LDLRAD3: variants seen among roughly 807,000 people sequenced by gnomAD.
LDLRAD3 encodes the protein low-density lipoprotein receptor class A domain-containing protein 3.
Under a neutral mutation model 29.4 loss-of-function variants are expected in LDLRAD3, and 20 were observed. That is an observed-to-expected ratio of 0.68 (90% CI 0.48 to 0.99). LDLRAD3 has a LOEUF of 0.99. LDLRAD3 is among the 50% of genes least tolerant of loss of function. The pLI, the probability that LDLRAD3 is intolerant of heterozygous loss-of-function variation, is 0.00. For missense variants in LDLRAD3, 420 were observed against 454.3 expected (o/e 0.92, Z 0.69); for synonymous variants, 157 against 192.7 (o/e 0.81, Z 1.53).
At position 36,077,149 on chromosome 11, in the gene LDLRAD3, C is replaced by T. The variant is rs1032040261; in HGVS notation, c.194-4504C>T. Among the ~76,000 whole-genome samples, 12 of 152,176 alleles carry T rather than the reference C, an allele frequency of 7.9e-5. 1 individual carries two copies. The East Asian group carries it at 1.9e-3, about 24-fold the overall frequency. The stretch of plus-strand genomic sequence containing the variant: ...TACTCGGAGAAATGTGTAACCTTCT[C>T]ATCCTGTTATCTTGTCTGATATCAG... On this transcript the variant is annotated intron_variant, in intron 2 of 5. Coordinates refer to ENST00000315571, the MANE Select transcript of LDLRAD3 (RefSeq NM_174902.4).
In LDLRAD3 at chr11:36,229,412, A is replaced by G; in HGVS notation, c.*15A>G. On this transcript the variant is annotated 3_prime_UTR_variant, in exon 6 of 6. Coordinates refer to ENST00000315571, the MANE Select transcript of LDLRAD3 (RefSeq NM_174902.4). ...AAGAAGTATAAGTCCCAGTTATTCC[A>G]AAGTCCATATGGGTTAATCTGCTCT... The G allele has an allele frequency of 1.3e-6, 2 of 1,564,484 alleles. No individual in the cohort carries two copies. The highest frequency in any genetic ancestry group is 1.8e-6 in the Non-Finnish European group (2 of 1,137,010).
At chr11:36,205,044 A>C (rs1383701959) in intron 4 of LDLRAD3, among the ~76,000 whole-genome samples, 1 of 152,156 alleles carries the variant, frequency 6.6e-6, no homozygotes, top group Non-Finnish European at 1.5e-5. Flanking sequence ...CTTCATTTAT[A>C]AGTGACTTGA....
intron 1 of LDLRAD3, among the ~76,000 whole-genome samples, chr11:36,006,511 C>T (rs1851887575): frequency 6.6e-6 from 1 of 152,186 alleles, no homozygotes; most frequent in African/African-American, 2.4e-5. Context: ...CTCCCCGAAT[C>T]CCAGACTGGG....
At chr11:36,145,106 T>TG (rs1247368795) in intron 4 of LDLRAD3, among the ~76,000 whole-genome samples, 2 of 80,872 alleles carry the variant, frequency 2.5e-5, no homozygotes, top group African/African-American at 5.6e-5. Context: ...GGGAGGGAGG[T>TG]TGGGGGGTCA....
chr11:36,012,568 T>TGA (rs1349252749), intron 1 of LDLRAD3, among the ~76,000 whole-genome samples: 8 of 152,196 alleles, frequency 5.3e-5, no homozygotes, highest in African/African-American at 1.9e-4. Context: ...AGGCAGTTGA[T>TGA]CTGATAACTG....
rs527925777 is a variant in LDLRAD3, at chr11:36,085,126, A to G, written c.319+3348A>G. Among the ~76,000 whole-genome samples the G allele has an allele frequency of 5.3e-5, 8 of 152,294 alleles. No homozygotes were observed. The East Asian group carries it at 9.6e-4, about 18-fold the overall frequency. On this transcript the variant is annotated intron_variant, in intron 3 of 5. Coordinates refer to ENST00000315571, the MANE Select transcript of LDLRAD3 (RefSeq NM_174902.4). ...TAGCAATTCTTCTGAAGTTGGCAAC[A>G]AATTATGTTAGCTTGCCTTCATCTG...
chr11:35,952,494 A>G (rs1235051915), intron 1 of LDLRAD3, among the ~76,000 whole-genome samples: 1 of 152,212 alleles, frequency 6.6e-6, no homozygotes, highest in African/African-American at 2.4e-5. Flanking sequence ...TGGAGAACGT[A>G]TCAGTATAGG....
intron 4 of LDLRAD3, among the ~76,000 whole-genome samples, chr11:36,109,275 C>T (rs1193173170): frequency 1.3e-5 from 2 of 151,868 alleles, no homozygotes; most frequent in East Asian, 1.9e-4. Flanking sequence ...TCCGTGGTGG[C>T]CTGCGTGGAC....
intron 2 of LDLRAD3, among the ~76,000 whole-genome samples, chr11:36,062,753 A>G (rs537725730): frequency 6.6e-6 from 1 of 152,286 alleles, no homozygotes; most frequent in East Asian, 1.9e-4. Context: ...CATGTGAAGA[A>G]GCACGTGTTT....
chr11:36,039,542 C>G (rs1001988420), intron 2 of LDLRAD3, among the ~76,000 whole-genome samples: 7 of 151,554 alleles, frequency 4.6e-5, no homozygotes, highest in Admixed American at 2.6e-4. Flanking sequence ...AAGCACGCAG[C>G]ACAGTGCCTG....
rs967353759 is a variant in LDLRAD3, at chr11:36,201,119, A to G, written c.455-25966A>G. 3.3e-5 allele frequency among the ~76,000 whole-genome samples: 5 copies of G among 152,348 alleles called. No individual in the cohort carries two copies. In the South Asian group the frequency reaches 1.0e-3, roughly 32 times the overall value. On this transcript the variant is annotated intron_variant, in intron 4 of 5. Transcript: ENST00000315571. The stretch of plus-strand genomic sequence containing the variant: ...GGGACCAGTAGAGTTATTTGAAGGT[A>G]GAAGTGTGATGGAGTGACAATGGAA...
intron 3 of LDLRAD3, among the ~76,000 whole-genome samples, chr11:36,085,158 T>A (rs1303276834): frequency 6.6e-6 from 1 of 152,228 alleles, no homozygotes; most frequent in Non-Finnish European, 1.5e-5. Flanking sequence ...TCTGAGAATG[T>A]CTTTATTTCA....
intron 2 of LDLRAD3, among the ~76,000 whole-genome samples, chr11:36,076,006 A>G (rs1852993556): frequency 6.6e-6 from 1 of 152,122 alleles, no homozygotes; most frequent in Non-Finnish European, 1.5e-5. Context: ...TTGTTTGTAT[A>G]TTCTTCCTGG....
At chr11:35,953,753 G>A (rs1851167224) in intron 1 of LDLRAD3, among the ~76,000 whole-genome samples, 1 of 152,170 alleles carries the variant, frequency 6.6e-6, no homozygotes, top group Non-Finnish European at 1.5e-5. Flanking sequence ...GGGGAAGAGT[G>A]ATTAGCAACA....
At chr11:36,027,684 A>G (rs1484331072) in intron 1 of LDLRAD3, among the ~76,000 whole-genome samples, 2 of 152,188 alleles carry the variant, frequency 1.3e-5, no homozygotes, top group African/African-American at 4.8e-5. Context: ...AGCAGAAGAG[A>G]GACTATCGAA....
chr11:36,180,459 A>G (rs1031056419), intron 4 of LDLRAD3, among the ~76,000 whole-genome samples: 3 of 152,156 alleles, frequency 2.0e-5, no homozygotes, highest in African/African-American at 4.8e-5. Flanking sequence ...GGCACTGTAC[A>G]TGTAGAAGTA....
intron 1 of LDLRAD3, among the ~76,000 whole-genome samples, chr11:35,980,073 T>C (rs1380426711): frequency 6.6e-6 from 1 of 152,220 alleles, no homozygotes; most frequent in Non-Finnish European, 1.5e-5. Context: ...TCCAGAGAAG[T>C]ATTTTTATGA....
At chr11:36,107,130 G>A (rs1043948048) in intron 4 of LDLRAD3, among the ~76,000 whole-genome samples, 1 of 152,042 alleles carries the variant, frequency 6.6e-6, no homozygotes, top group Non-Finnish European at 1.5e-5. Context: ...TTTAAGATGT[G>A]TCTGCTACAT....
chr11:36,058,040 T>C (rs1206045364), intron 2 of LDLRAD3, among the ~76,000 whole-genome samples: 1 of 152,228 alleles, frequency 6.6e-6, no homozygotes, highest in East Asian at 1.9e-4. Context: ...AGATGTCTCT[T>C]TGATTTTCCT....
Sources: allele counts gnomAD v4.1 joint callset (sites outside exome capture counted in the v4.1 genomes callset), GRCh38; gene constraint gnomAD v4.1.1; transcripts MANE v1.5; gene names NCBI Gene and HGNC (gene_info 2026-07-23, HGNC 2026-07-21).